Variants in SLCO6A1 observed in about 807,000 individuals in gnomAD.
The protein encoded by SLCO6A1 is cancer/testis antigen 48.
SLCO6A1 carries 65 observed loss-of-function variants against 72.7 expected under a neutral mutation model. The ratio of observed to expected loss-of-function variants is 0.89; its 90% CI spans 0.73 to 1.10. SLCO6A1 has a LOEUF of 1.10. Ranked by LOEUF, SLCO6A1 falls within the 50% of genes least tolerant of loss-of-function variation. The pLI is 0.00. For synonymous variants in SLCO6A1, 314 were observed against 298.2 expected (o/e 1.05, Z -0.55); for missense variants, 874 against 872.6 (o/e 1.00, Z -0.02).
intron 11 of SLCO6A1, among the ~76,000 whole-genome samples, chr5:102,390,053 T>C (rs368699002): frequency 6.6e-6 from 1 of 152,142 alleles, no homozygotes. Flanking sequence ...GGGGTTATCT[T>C]TTAAATGTAA....
chr5:102,373,332 C>A lies in SLCO6A1; in HGVS notation c.*15+5G>T. The A allele has an allele frequency of 6.6e-7, 1 of 1,516,174 alleles. No individual in the cohort carries two copies. Among genetic ancestry groups the A allele is most frequent in the South Asian group, 1.4e-5 (1 of 72,126 alleles). 93.9% of individuals were successfully genotyped at this position (1,516,174 alleles called of 1,614,324 possible). ...ATTGATAGATTGACAATGTGTAATT[C>A]TTACACAATGATGATCCAGTTACAA... On this transcript the variant is annotated splice_donor_5th_base_variant and intron_variant, in intron 13 of 13. Transcript: ENST00000506729.
chr5:102,373,201 T>C, intron 13 of SLCO6A1, 136 bp downstream of exon 13: 1 of 456,094 alleles, frequency 2.2e-6, no homozygotes, highest in Non-Finnish European at 3.2e-6. Flanking sequence ...TATATTATTA[T>C]ATTTGCACTC....
intron 3 of SLCO6A1, among the ~76,000 whole-genome samples, chr5:102,476,965 T>C (rs879315277): frequency 1.2e-4 from 18 of 152,104 alleles, no homozygotes; most frequent in Non-Finnish European, 2.5e-4. Flanking sequence ...TATTCTGAGA[T>C]ATAGCCAGGA....
chr5:102,488,874 C>T (rs1752554874), intron 1 of SLCO6A1, among the ~76,000 whole-genome samples: 1 of 152,096 alleles, frequency 6.6e-6, no homozygotes, highest in Admixed American at 6.5e-5. Context: ...GGAAGACCCA[C>T]TCTAAAAATG....
chr5:102,409,844 C>T (rs779885963), intron 9 of SLCO6A1, among the ~76,000 whole-genome samples: 5 of 152,060 alleles, frequency 3.3e-5, no homozygotes, highest in African/African-American at 9.7e-5. Context: ...AAAAAAAGGA[C>T]GCAGGGGTTA....
At chr5:102,441,985 T>G (rs1411467046) in intron 6 of SLCO6A1, among the ~76,000 whole-genome samples, 1 of 152,154 alleles carries the variant, frequency 6.6e-6, no homozygotes, top group Non-Finnish European at 1.5e-5. Context: ...AAATGTTATT[T>G]ATTCATTTAT....
chr5:102,456,821 C>G (rs1750745518), intron 6 of SLCO6A1, among the ~76,000 whole-genome samples: 1 of 152,156 alleles, frequency 6.6e-6, no homozygotes, highest in Admixed American at 6.5e-5. Context: ...AAGAACAAAG[C>G]TGGAGGCATC....
intron 7 of SLCO6A1, among the ~76,000 whole-genome samples, chr5:102,426,636 T>G (rs1348318055): frequency 1.3e-5 from 2 of 152,166 alleles, no homozygotes; most frequent in African/African-American, 2.4e-5. Context: ...CTGGCAAGAT[T>G]GTGGAGAAAT....
chr5:102,391,010 C>A lies in SLCO6A1; in HGVS notation c.1850G>T (p.Gly617Val), dbSNP rs1204969677. 6.2e-7 allele frequency: 1 copy of A among 1,613,618 alleles called. No homozygotes were observed. Among genetic ancestry groups the A allele is most frequent in the Non-Finnish European group, 8.5e-7 (1 of 1,179,656 alleles). Residue 617 changes from glycine (G) to valine (V), a missense_variant, in exon 11 of 14, where the codon GGT becomes GTT. By Grantham distance (109) the Gly-to-Val change is moderately radical. Transcript: ENST00000506729. ...VPDKLRSLAL[G>V]VSYVILRIFG... is the part of the protein sequence containing the mutation. ...TATTCTCAAAATCACATAGCTTACA[C>A]CCAAGGCCAGAGAACGCAGTTTGTC...
chr5:102,475,507 A>C (rs1024460663), intron 4 of SLCO6A1, among the ~76,000 whole-genome samples, 190 bp downstream of exon 4: 1 of 152,134 alleles, frequency 6.6e-6, no homozygotes, highest in African/African-American at 2.4e-5. Flanking sequence ...CTATGCACTT[A>C]AAAATGTTTA....
chr5:102,453,134 A>G (rs1750515170), intron 6 of SLCO6A1, among the ~76,000 whole-genome samples: 2 of 152,140 alleles, frequency 1.3e-5, no homozygotes, highest in Non-Finnish European at 2.9e-5. Context: ...ATCTAAAATC[A>G]GAGATATCTC....
intron 13 of SLCO6A1, among the ~76,000 whole-genome samples, chr5:102,372,706 C>T (rs1750689220): frequency 6.8e-6 from 1 of 148,048 alleles, no homozygotes; most frequent in African/African-American, 2.5e-5. Context: ...AAAAAGGTAA[C>T]AAAAAACAGG....
At chr5:102,388,552 G>C in intron 12 of SLCO6A1, 136 bp downstream of exon 12, 1 of 567,704 alleles carries the variant, frequency 1.8e-6, no homozygotes, top group Non-Finnish European at 2.9e-6. Flanking sequence ...TCTCTATTTT[G>C]CAGGTTAAGC....
At chr5:102,440,447 A>G (rs899643167) in intron 6 of SLCO6A1, among the ~76,000 whole-genome samples, 1 of 152,164 alleles carries the variant, frequency 6.6e-6, no homozygotes, top group Non-Finnish European at 1.5e-5. Flanking sequence ...ACTATCTCCC[A>G]TCACCCCTAG....
At chr5:102,383,098 A>G (rs184231425) in intron 12 of SLCO6A1, among the ~76,000 whole-genome samples, 10,950 of 82,770 alleles carry the variant, frequency 0.13, 797 homozygotes, top group African/African-American at 0.19. Flanking sequence ...GTGTGTGAAT[A>G]TATATATATA....
intron 4 of SLCO6A1, among the ~76,000 whole-genome samples, chr5:102,473,738 A>G (rs1020858061): frequency 8.6e-5 from 13 of 152,004 alleles, no homozygotes; most frequent in African/African-American, 3.1e-4. Flanking sequence ...ATACTTGCAT[A>G]CACATAACAT....
chr5:102,433,690 G>A (rs1033570184), intron 7 of SLCO6A1, among the ~76,000 whole-genome samples: 1 of 152,148 alleles, frequency 6.6e-6, no homozygotes, highest in African/African-American at 2.4e-5. Context: ...GACGGTGGCA[G>A]CCAAAGCACT....
At chr5:102,398,729 C>T (rs1011508387) in intron 10 of SLCO6A1, among the ~76,000 whole-genome samples, 2 of 152,128 alleles carry the variant, frequency 1.3e-5, no homozygotes, top group Non-Finnish European at 2.9e-5. Flanking sequence ...CATTATCATG[C>T]TATCCTGTCA....
chr5:102,408,997 C>T (rs1262271713), intron 9 of SLCO6A1, among the ~76,000 whole-genome samples: 1 of 151,952 alleles, frequency 6.6e-6, no homozygotes, highest in African/African-American at 2.4e-5. Context: ...TTCCATATTG[C>T]TATTTTATAA....
Sources: gnomAD v4.1 joint callset for allele counts (sites outside exome capture counted in the v4.1 genomes callset) on GRCh38, gnomAD v4.1.1 for gene constraint, MANE v1.5 for transcripts, NCBI Gene and HGNC (gene_info 2026-07-23, HGNC 2026-07-21) for gene names.